Variants in EOGT observed in about 807,000 individuals in gnomAD.
EOGT encodes the protein EGF domain specific O-linked N-acetylglucosamine transferase.
In EOGT, 55 loss-of-function variants were observed where a neutral mutation model predicts 70.5. The observed-to-expected ratio is 0.78, with a 90% CI of 0.63 to 0.98. The LOEUF (loss-of-function observed/expected upper bound fraction) is 0.98. Ranked by LOEUF, EOGT falls within the 50% of genes least tolerant of loss-of-function variation. EOGT has a pLI of 0.00. For missense variants in EOGT, 703 were observed against 641.9 expected, an observed-to-expected ratio of 1.10 and a Z score of -1.03; for synonymous variants, 246 against 217.1, an observed-to-expected ratio of 1.13 and a Z score of -1.17.
chr3:68,977,577 AGTG>A lies in EOGT; in HGVS notation c.*38_*40del. 1.2e-6 allele frequency: 2 copies of A among 1,603,420 alleles called. No homozygotes were observed. Among genetic ancestry groups the A allele is most frequent in the Non-Finnish European group, 1.7e-6 (2 of 1,173,318 alleles). ...ATTTAATTCTAAGTCTGGGTGTTGG[AGTG>A]TTTAAACACTCTCTTTTTGCAAACA... On this transcript the variant is annotated 3_prime_UTR_variant, in exon 18 of 18. Transcript: ENST00000383701.
At chr3:68,996,436 T>C (rs950706727) in intron 10 of EOGT, among the ~76,000 whole-genome samples, 4 of 152,218 alleles carry the variant, frequency 2.6e-5, no homozygotes, top group Non-Finnish European at 5.9e-5. Context: ...TAGGCAACAA[T>C]GCTTCTGATC....
At chr3:68,996,404 G>A (rs2091147990) in intron 10 of EOGT, among the ~76,000 whole-genome samples, 1 of 152,160 alleles carries the variant, frequency 6.6e-6, no homozygotes, top group Non-Finnish European at 1.5e-5. Flanking sequence ...CTGCAAATGA[G>A]GACAGCTTGT....
intron 6 of EOGT, among the ~76,000 whole-genome samples, chr3:69,007,473 G>A (rs762937293): frequency 1.5e-4 from 19 of 129,830 alleles, no homozygotes; most frequent in East Asian, 9.8e-4. Flanking sequence ...GCAACATGGC[G>A]AAACCCCACC....
intron 6 of EOGT, among the ~76,000 whole-genome samples, chr3:69,007,127 G>T (rs954175872): frequency 6.6e-6 from 1 of 152,174 alleles, no homozygotes; most frequent in Non-Finnish European, 1.5e-5. Flanking sequence ...TTGGGGGAAT[G>T]ATTCTAAACC....
intron 4 of EOGT, among the ~76,000 whole-genome samples, 173 bp downstream of exon 4, chr3:69,009,464 C>T (rs1315397280): frequency 6.6e-6 from 1 of 152,080 alleles, no homozygotes; most frequent in Non-Finnish European, 1.5e-5. Flanking sequence ...ATGAATGGGA[C>T]ATAATTTTAA....
At chr3:69,010,980 T>TTA (rs1271145533) in intron 3 of EOGT, among the ~76,000 whole-genome samples, 1 of 152,140 alleles carries the variant, frequency 6.6e-6, no homozygotes, top group African/African-American at 2.4e-5. Flanking sequence ...TAGCTAAGAC[T>TTA]TAGAAACTCC....
intron 10 of EOGT, 38 bp from the exon 11 acceptor site, chr3:68,989,055 A>G (rs2090901575): frequency 8.1e-7 from 1 of 1,238,034 alleles, no homozygotes; most frequent in Non-Finnish European, 1.1e-6. Flanking sequence ...AGGGCAATAA[A>G]AGGATATAAC....
chr3:68,976,293 C>T lies in EOGT; in HGVS notation c.*1325G>A, dbSNP rs2090470761. On this transcript the variant is annotated 3_prime_UTR_variant, in exon 18 of 18. Transcript: ENST00000383701. The stretch of plus-strand genomic sequence containing the variant: ...AAAGACTGGAATACTTTCATGCTGA[C>T]AGAGGTAGACGCACACGCACTGGTA... The T allele has an allele frequency of 2.0e-5, 3 of 152,150 alleles. No homozygotes were observed. The highest frequency in any genetic ancestry group is 6.5e-5 in the Admixed American group (1 of 15,272). The allele number at this position is 152,150 out of a possible 1,614,324, so 9.4% of individuals were successfully genotyped here. A position where few individuals can be genotyped will look rare whatever the true frequency, so the allele number is the denominator to read the frequency against.
intron 10 of EOGT, among the ~76,000 whole-genome samples, chr3:68,993,876 T>C (rs35132360): frequency 0.11 from 16,469 of 152,128 alleles, 1,170 homozygotes; most frequent in Middle Eastern, 0.19. Flanking sequence ...CCATCAGATC[T>C]CATGAGACTT....
chr3:69,001,020 G>C (rs113970140), intron 9 of EOGT, among the ~76,000 whole-genome samples: 7 of 150,402 alleles, frequency 4.7e-5, no homozygotes, highest in Non-Finnish European at 1.0e-4. Context: ...GCAGCGGCAC[G>C]ATCTTGGCTC....
chr3:69,011,773 C>T (rs1439697792), intron 3 of EOGT, among the ~76,000 whole-genome samples, 163 bp downstream of exon 3: 4 of 151,996 alleles, frequency 2.6e-5, no homozygotes, highest in African/African-American at 9.7e-5. Flanking sequence ...TTCACTTTGG[C>T]GGCCCTCAAG....
At chr3:69,012,916 T>G (rs879829998) in intron 1 of EOGT, 117 bp from the exon 2 acceptor site, 1 of 151,866 alleles carries the variant, frequency 6.6e-6, no homozygotes, top group African/African-American at 2.4e-5. Context: ...CTTGGAAAAG[T>G]TTAAAGACGG....
At chr3:68,985,207 C>G (rs1391903301) in intron 14 of EOGT, among the ~76,000 whole-genome samples, 1 of 152,120 alleles carries the variant, frequency 6.6e-6, no homozygotes, top group Non-Finnish European at 1.5e-5. Context: ...CATTTGTATT[C>G]CCAACATTGC....
intron 15 of EOGT, among the ~76,000 whole-genome samples, chr3:68,980,610 T>C (rs952249046): frequency 1.3e-5 from 2 of 152,214 alleles, no homozygotes; most frequent in African/African-American, 4.8e-5. Context: ...CAAGATTATT[T>C]TGGATCTACG....
chr3:69,010,714 G>T (rs753321156), intron 3 of EOGT, among the ~76,000 whole-genome samples: 1 of 152,220 alleles, frequency 6.6e-6, no homozygotes, highest in Non-Finnish European at 1.5e-5. Context: ...CAGAGAAGGG[G>T]CCTAAATAAC....
intron 8 of EOGT, 131 bp from the exon 9 acceptor site, chr3:69,001,845 T>C (rs1199667200): frequency 3.1e-6 from 2 of 637,312 alleles, no homozygotes; most frequent in African/African-American, 1.9e-5. Context: ...TGGACACCTG[T>C]AACTTCTAAA....
At chr3:68,982,782 A>C in intron 15 of EOGT, 29 bp downstream of exon 15, 1 of 1,551,418 alleles carries the variant, frequency 6.4e-7, no homozygotes, top group Non-Finnish European at 8.8e-7. Context: ...AAAAGTTGAC[A>C]GTGTCTGCTG....
At chr3:68,999,109 T>C (rs879755812) in intron 9 of EOGT, among the ~76,000 whole-genome samples, 1 of 152,198 alleles carries the variant, frequency 6.6e-6, no homozygotes, top group Non-Finnish European at 1.5e-5. Flanking sequence ...CATTCTTAGA[T>C]GAGTTTATAA....
At chr3:68,986,417 A>T (rs1261702114) in intron 14 of EOGT, among the ~76,000 whole-genome samples, 3 of 152,108 alleles carry the variant, frequency 2.0e-5, no homozygotes, top group African/African-American at 7.2e-5. Context: ...CACTGGAATA[A>T]AATCCCTCTC....
Sources: gnomAD v4.1 joint callset for allele counts (sites outside exome capture counted in the v4.1 genomes callset) on GRCh38, gnomAD v4.1.1 for gene constraint, MANE v1.5 for transcripts, NCBI Gene and HGNC (gene_info 2026-07-23, HGNC 2026-07-21) for gene names.